Variants in PSMF1 observed in about 807,000 individuals in gnomAD.
The protein encoded by PSMF1 is proteasome inhibitor PI31 subunit.
Under a neutral mutation model 29.3 loss-of-function variants are expected in PSMF1, and 30 were observed. That is an observed-to-expected ratio of 1.02 (90% CI 0.77 to 1.39). PSMF1 has a LOEUF of 1.39. Ranked by LOEUF, PSMF1 falls within the 40% of genes most tolerant of loss-of-function variation. The probability of loss-of-function intolerance (pLI) is 0.00; values close to 1 mark genes in which losing one functional copy is unlikely to be tolerated. For synonymous variants in PSMF1, 134 were observed against 139.7 expected, an observed-to-expected ratio of 0.96 and a Z score of 0.29; for missense variants, 344 against 357.5, an observed-to-expected ratio of 0.96 and a Z score of 0.31.
At chr20:1,119,442 C>T (rs55761410) in intron 1 of PSMF1, among the ~76,000 whole-genome samples, 31,272 of 152,060 alleles carry the variant, frequency 0.21, 3,428 homozygotes, top group South Asian at 0.27. Context: ...AGAGTTCACA[C>T]GCCTTTCACC....
intron 4 of PSMF1, among the ~76,000 whole-genome samples, chr20:1,148,919 G>T (rs1317455207): frequency 6.6e-6 from 1 of 151,972 alleles, no homozygotes; most frequent in Non-Finnish European, 1.5e-5. Flanking sequence ...AGTTACAAAT[G>T]ATATTTTCAA....
rs2086790690 is a variant in PSMF1 at position 1,171,616 on chromosome 20, A to G, written c.*6536A>G. Reference sequence around the variant, plus strand: ...GCAGGACCCCTTCTTTCCCCCTCCCAGTTCCCGCAGCTAGGCTGAGTGTTA... The same window carrying G: ...GCAGGACCCCTTCTTTCCCCCTCCCGGTTCCCGCAGCTAGGCTGAGTGTTA... On this transcript the variant is annotated 3_prime_UTR_variant, in exon 7 of 7. Coordinates refer to ENST00000335877, the MANE Select transcript of PSMF1 (RefSeq NM_006814.5). 6.6e-6 allele frequency among the ~76,000 whole-genome samples: 1 copy of G among 152,142 alleles called. No individual in the cohort carries two copies. The highest frequency in any genetic ancestry group is 2.1e-4 in the South Asian group (1 of 4,828).
intron 3 of PSMF1, 47 bp from the exon 4 acceptor site, chr20:1,135,074 G>T: frequency 6.2e-7 from 1 of 1,600,054 alleles, no homozygotes; most frequent in Non-Finnish European, 8.6e-7. Context: ...CACTTCCAGG[G>T]TTCCTAGCCA....
At chr20:1,145,166 A>G (rs1014566406) in intron 4 of PSMF1, among the ~76,000 whole-genome samples, 10 of 152,244 alleles carry the variant, frequency 6.6e-5, no homozygotes, top group Non-Finnish European at 1.3e-4. Flanking sequence ...GATCATAGGC[A>G]TAAGCCCCTG....
chr20:1,148,232 G>A (rs891848112), intron 4 of PSMF1, among the ~76,000 whole-genome samples: 1 of 152,220 alleles, frequency 6.6e-6, no homozygotes, highest in Non-Finnish European at 1.5e-5. Flanking sequence ...ACATTCCATT[G>A]TAGTGGAAGA....
chr20:1,147,729 A>G (rs1753981038), intron 4 of PSMF1, among the ~76,000 whole-genome samples: 1 of 152,042 alleles, frequency 6.6e-6, no homozygotes, highest in Non-Finnish European at 1.5e-5. Flanking sequence ...GGCCAGCCCC[A>G]TTTGTCCATG....
At chr20:1,129,904 A>T (rs1406936268) in intron 3 of PSMF1, among the ~76,000 whole-genome samples, 1 of 152,226 alleles carries the variant, frequency 6.6e-6, no homozygotes, top group Middle Eastern at 3.2e-3. Context: ...ACAGTAGCCA[A>T]AAGGTGAAAG....
At position 1,169,894 on chromosome 20, in the gene PSMF1, A is replaced by G. The variant is rs2086773031; in HGVS notation, c.*4814A>G. Among the ~76,000 whole-genome samples the G allele has an allele frequency of 6.6e-6, 1 of 152,114 alleles. No homozygotes were observed. The highest frequency in any genetic ancestry group is 2.1e-4 in the South Asian group (1 of 4,826). On this transcript the variant is annotated 3_prime_UTR_variant, in exon 7 of 7. Coordinates refer to ENST00000335877, the MANE Select transcript of PSMF1 (RefSeq NM_006814.5). ...ACTGGGACAGAGGTCTAGTGAGCCA[A>G]TCTTCTGTGTTGTCTACGCCATGGA... is the stretch of plus-strand genomic sequence containing the variant.
rs1600177112 is a variant in PSMF1 at position 1,164,221 on chromosome 20, C to T, written c.606-97C>T. ...GTCTGCTTGGGCCATCCAGAGTAGA[C>T]ATCCCAGCCATTCTTGGTGCATTGT... On this transcript the variant is annotated intron_variant, in intron 5 of 6. Transcript: ENST00000335877. The surrounding 1 kb of genome is among the most constrained non-coding windows in gnomAD (Gnocchi z 4.1). 2.4e-6 allele frequency: 3 copies of T among 1,272,298 alleles called. No individual in the cohort carries two copies. The highest frequency in any genetic ancestry group is 2.3e-5 in the East Asian group (1 of 43,044). 78.8% of individuals were successfully genotyped at this position (1,272,298 alleles called of 1,614,324 possible).
At chr20:1,128,482 A>G (rs1230404649) in intron 3 of PSMF1, among the ~76,000 whole-genome samples, 1 of 152,244 alleles carries the variant, frequency 6.6e-6, no homozygotes, top group African/African-American at 2.4e-5. Flanking sequence ...ATCAGTGCCT[A>G]CCAAGAACAA....
chr20:1,150,362 A>G (rs1361554394), intron 4 of PSMF1, among the ~76,000 whole-genome samples: 2 of 152,156 alleles, frequency 1.3e-5, no homozygotes, highest in Non-Finnish European at 2.9e-5. Context: ...CGGCCAGGTT[A>G]GTGCTGCTGC....
chr20:1,124,915 G>C (rs1368103122), intron 1 of PSMF1, among the ~76,000 whole-genome samples: 1 of 152,220 alleles, frequency 6.6e-6, no homozygotes, highest in African/African-American at 2.4e-5. Flanking sequence ...GGGAAGGAGG[G>C]ACATTTATTG....
chr20:1,122,498 C>A (rs1391619488), intron 1 of PSMF1, among the ~76,000 whole-genome samples: 1 of 151,962 alleles, frequency 6.6e-6, no homozygotes, highest in African/African-American at 2.4e-5. Context: ...CAGGGTTTCA[C>A]CATGTTTGCC....
chr20:1,160,962 C>T (rs1414168440), intron 4 of PSMF1: 2 of 429,970 alleles, frequency 4.7e-6, no homozygotes, highest in Non-Finnish European at 4.7e-6. Flanking sequence ...TTGAGACCTT[C>T]AATACCCTGG....
rs1442970388 is a variant in PSMF1 at position 1,135,142 on chromosome 20, G to A, written c.387G>A (p.Glu129=). 1 of 1,614,072 alleles carries A rather than the reference G, an allele frequency of 6.2e-7. No individual in the cohort carries two copies. Among genetic ancestry groups the A allele is most frequent in the East Asian group, 2.2e-5 (1 of 44,898 alleles). ...GCAGGACCTACAAGAACAGTGAGGA[G>A]CTTCGGTCTCGTATTGTGTCTGGAA... The part of the protein sequence containing the change: ...DFHRTYKNSE[E]LRSRIVSGII... Residue 129 remains glutamate, a synonymous_variant, in exon 4 of 7, where the codon GAG becomes GAA. Coordinates refer to ENST00000335877, the MANE Select transcript of PSMF1 (RefSeq NM_006814.5).
At position 1,118,631 on chromosome 20, in the gene PSMF1, G is replaced by A. The variant is rs555544322; in HGVS notation, c.-143G>A. ...TCCCCGCCCCGCCCCGTCCCCGGGC[G>A]TCTCCATTTTGGTCTCAGGTGTGGA... On this transcript the variant is annotated 5_prime_UTR_variant, in exon 1 of 7. Coordinates refer to ENST00000335877, the MANE Select transcript of PSMF1 (RefSeq NM_006814.5). 15 of 1,002,682 alleles carry A rather than the reference G, an allele frequency of 1.5e-5. No individual in the cohort carries two copies. In the African/African-American group the frequency reaches 2.5e-4, roughly 16 times the overall value. The allele number at this position is 1,002,682 out of a possible 1,614,324, so 62.1% of individuals were successfully genotyped here.
chr20:1,153,785 T>G (rs1174345630), intron 4 of PSMF1, among the ~76,000 whole-genome samples: 1 of 152,182 alleles, frequency 6.6e-6, no homozygotes, highest in Non-Finnish European at 1.5e-5. Flanking sequence ...AGGACCAAGA[T>G]CTAATCATCT....
intron 4 of PSMF1, among the ~76,000 whole-genome samples, chr20:1,153,864 T>C (rs1052189351): frequency 6.6e-6 from 1 of 152,212 alleles, no homozygotes; most frequent in Non-Finnish European, 1.5e-5. Context: ...ACAAGTTCTT[T>C]GTTCCCATCA....
intron 4 of PSMF1, among the ~76,000 whole-genome samples, chr20:1,138,888 A>G (rs971631632): frequency 5.9e-5 from 9 of 152,078 alleles, no homozygotes; most frequent in Admixed American, 4.6e-4. Context: ...ATTCAGCAAT[A>G]GGAGGGGCCA....
Sources: gnomAD v4.1 joint callset for allele counts (sites outside exome capture counted in the v4.1 genomes callset) on GRCh38, gnomAD v4.1.1 for gene constraint, Gnocchi (gnomAD v3.1) non-coding constraint, MANE v1.5 for transcripts, NCBI Gene and HGNC (gene_info 2026-07-23, HGNC 2026-07-21) for gene names.